The following NPRL3 variants were observed in gnomAD, a reference collection of about 807,000 sequenced individuals.
NPRL3 encodes the protein GATOR1 complex protein NPRL3.
Under a neutral mutation model 57.2 loss-of-function variants are expected in NPRL3, and 23 were observed. The ratio of observed to expected loss-of-function variants is 0.40; its 90% CI spans 0.29 to 0.57. The LOEUF (loss-of-function observed/expected upper bound fraction) is 0.57, where lower values mean the gene tolerates loss of function less well. NPRL3 is among the 20% of genes least tolerant of loss of function. The pLI is 0.42. For missense variants in NPRL3, 691 were observed against 767.1 expected (o/e 0.90, Z 1.17); for synonymous variants, 333 against 321.1 (o/e 1.04, Z -0.39).
chr16:105,554 G>A (rs1004549554), intron 7 of NPRL3, among the ~76,000 whole-genome samples: 2 of 152,076 alleles, frequency 1.3e-5, no homozygotes, highest in African/African-American at 4.8e-5. Flanking sequence ...CCCTGCTCTC[G>A]ACAGTTTGCA....
chr16:112,856 G>T, intron 5 of NPRL3, 81 bp from the exon 6 acceptor site: 3 of 1,320,090 alleles, frequency 2.3e-6, no homozygotes, highest in Admixed American at 2.8e-5. Flanking sequence ...GCTAACACAG[G>T]TACACAGCAA....
At position 88,854 on chromosome 16, in the gene NPRL3, A is replaced by C; in HGVS notation, c.1388T>G (p.Met463Arg). The C allele has an allele frequency of 6.2e-7, 1 of 1,613,620 alleles. No homozygotes were observed. Among genetic ancestry groups the C allele is most frequent in the Non-Finnish European group, 8.5e-7 (1 of 1,179,632 alleles). The change falls in exon 13 of 14, where the codon ATG becomes AGG. Residue 463 changes from methionine to arginine, a missense_variant. Physicochemically the swap from Met to Arg is moderately conservative, Grantham distance 91. Coordinates refer to ENST00000611875, the MANE Select transcript of NPRL3 (RefSeq NM_001077350.3). Reference sequence around the variant, plus strand: ...AAGTAGCTCTGCGCTGGAGTTGTCCATGCTGGGGCTGGTGAGGGTCATGTC... The same window carrying C: ...AAGTAGCTCTGCGCTGGAGTTGTCCCTGCTGGGGCTGGTGAGGGTCATGTC... ...SDDMTLTSPSMDNSSAELLPS... is the reference protein window; with the variant it reads ...SDDMTLTSPSRDNSSAELLPS...
At chr16:123,900 A>G (rs34722090) in intron 3 of NPRL3, among the ~76,000 whole-genome samples, 2 of 37,474 alleles carry the variant, frequency 5.3e-5, no homozygotes, top group Admixed American at 3.2e-4. Context: ...AGGGTCACAC[A>G]CTCCCCACGC....
At chr16:126,447 T>TAATAA (rs1420915643) in intron 3 of NPRL3, 2 of 140,982 alleles carry the variant, frequency 1.4e-5, no homozygotes, top group Non-Finnish European at 1.5e-5. Context: ...ATAATAATAA[T>TAATAA]TAATAATAAT....
chr16:122,485 T>C (rs1235054145), intron 3 of NPRL3, among the ~76,000 whole-genome samples: 2 of 152,236 alleles, frequency 1.3e-5, no homozygotes, highest in African/African-American at 4.8e-5. Context: ...GCAAAACTTA[T>C]AAACAGCAAA....
At chr16:101,300 G>A (rs1228423498) in intron 7 of NPRL3, among the ~76,000 whole-genome samples, 2 of 152,200 alleles carry the variant, frequency 1.3e-5, no homozygotes, top group African/African-American at 2.4e-5. Flanking sequence ...GTCCCCCAGA[G>A]TGTTCCAGTG....
Position 85,437 on chromosome 16 carries a change from C to T in NPRL3, c.*1268G>A. 1 of 1,611,750 alleles carries T rather than the reference C, an allele frequency of 6.2e-7. No homozygotes were observed. Among genetic ancestry groups the T allele is most frequent in the Non-Finnish European group, 8.5e-7 (1 of 1,179,240 alleles). ...TGCGTCTTGCTGCGAGCACTGGAGC[C>T]CCTGGAAGGTCTGGAGACCATGCGT... On this transcript the variant is annotated 3_prime_UTR_variant, in exon 14 of 14. Coordinates refer to ENST00000611875, the MANE Select transcript of NPRL3 (RefSeq NM_001077350.3).
intron 13 of NPRL3, 88 bp downstream of exon 13, chr16:88,610 T>G: frequency 3.4e-6 from 4 of 1,165,138 alleles, no homozygotes; most frequent in Non-Finnish European, 4.9e-6. Flanking sequence ...TCTCAGTGGA[T>G]TTGGTGGTTC....
rs374857369 is a variant in NPRL3, at chr16:100,840, G to A, written c.630-331C>T. 2.0e-3 allele frequency among the ~76,000 whole-genome samples: 306 copies of A among 149,722 alleles called. 1 individual carries two copies. Among genetic ancestry groups the A allele is most frequent in the African/African-American group, 6.8e-3 (277 of 40,582 alleles). ...ACAAAAATTAGCCAGGTGTGGTGGC[G>A]GGCGCCTGTAGTCCCAGCTACTCGG... On this transcript the variant is annotated intron_variant, in intron 7 of 13. Coordinates refer to ENST00000611875, the MANE Select transcript of NPRL3 (RefSeq NM_001077350.3).
At chr16:87,733 C>T (rs878983098) in intron 13 of NPRL3, among the ~76,000 whole-genome samples, 1 of 151,520 alleles carries the variant, frequency 6.6e-6, no homozygotes, top group Admixed American at 6.6e-5. Flanking sequence ...CCACACCCAG[C>T]TAATTTTTTG....
intron 9 of NPRL3, 90 bp from the exon 10 acceptor site, chr16:93,415 AC>A: frequency 2.5e-6 from 2 of 810,166 alleles, no homozygotes; most frequent in Non-Finnish European, 2.1e-6. Flanking sequence ...GCCATGGCCT[AC>A]CAGCCTGGAG....
In NPRL3 at chr16:132,227, C is replaced by T. The variant is rs936741230; in HGVS notation, c.119-1636G>A. 3.9e-5 allele frequency among the ~76,000 whole-genome samples: 6 copies of T among 152,218 alleles called. No individual in the cohort carries two copies. The South Asian group carries it at 1.0e-3, about 26-fold the overall frequency. On this transcript the variant is annotated intron_variant, in intron 2 of 13. Coordinates refer to ENST00000611875, the MANE Select transcript of NPRL3 (RefSeq NM_001077350.3). The stretch of plus-strand genomic sequence containing the variant: ...TTTGTCATGTTGCACAGGTTGGTCT[C>T]GAACTCCCGGGCTCAAGTGATCCAC...
chr16:88,679 C>A lies in NPRL3; in HGVS notation c.1544+19G>T, dbSNP rs758718371. 1.9e-6 allele frequency: 3 copies of A among 1,594,104 alleles called. No individual in the cohort carries two copies. The highest frequency in any genetic ancestry group is 2.6e-6 in the Non-Finnish European group (3 of 1,165,372). On this transcript the variant is annotated intron_variant, in intron 13 of 13. Transcript: ENST00000611875. The stretch of plus-strand genomic sequence containing the variant: ...ACCCTGCAACTGGCCCCAGTCCCAA[C>A]GGGTCAACCTACACCCACCTGGCAA...
intron 9 of NPRL3, among the ~76,000 whole-genome samples, chr16:94,467 A>C (rs1252124728): frequency 1.3e-5 from 2 of 152,208 alleles, no homozygotes; most frequent in African/African-American, 2.4e-5. Flanking sequence ...CAGGGCCTCC[A>C]GACTGAGTGA....
intron 7 of NPRL3, among the ~76,000 whole-genome samples, chr16:100,778 G>GGC (rs1899255140): frequency 4.4e-5 from 1 of 22,890 alleles, no homozygotes; most frequent in Non-Finnish European, 7.8e-5. Flanking sequence ...GACCAGCCTG[G>GGC]CTAATAACAC....
chr16:137,207 G>C (rs1045410243), intron 2 of NPRL3, among the ~76,000 whole-genome samples: 4 of 152,166 alleles, frequency 2.6e-5, no homozygotes, highest in African/African-American at 7.2e-5. Flanking sequence ...GCGACAGAGT[G>C]AGACTCCGTC....
At chr16:110,714 AT>A in intron 6 of NPRL3, 108 bp from the exon 7 acceptor site, 5 of 826,380 alleles carry the variant, frequency 6.1e-6, no homozygotes, top group East Asian at 2.9e-5. Flanking sequence ...TGTCTGGCTA[AT>A]TTTTTTGTAT....
chr16:118,618 C>T (rs1243404244), intron 4 of NPRL3, among the ~76,000 whole-genome samples: 11 of 152,202 alleles, frequency 7.2e-5, no homozygotes. Flanking sequence ...ACTGAAGCAC[C>T]TGTCTTCAGG....
rs373674963 is a variant in NPRL3 at position 110,198 on chromosome 16, G to C, written c.629+327C>G. On this transcript the variant is annotated intron_variant, in intron 7 of 13. Coordinates refer to ENST00000611875, the MANE Select transcript of NPRL3 (RefSeq NM_001077350.3). Reference sequence around the variant, plus strand: ...GCAGGAGAATCTCTTAAACCCAGGAGGCAGAGGTTGCTGTGAGCCGAGATC... The same window carrying C: ...GCAGGAGAATCTCTTAAACCCAGGACGCAGAGGTTGCTGTGAGCCGAGATC... Among the ~76,000 whole-genome samples the C allele has an allele frequency of 4.6e-5, 7 of 152,302 alleles. No homozygotes were observed. The East Asian group carries it at 1.3e-3, about 29-fold the overall frequency.
Sources: gnomAD v4.1 joint callset for allele counts (sites outside exome capture counted in the v4.1 genomes callset) on GRCh38, gnomAD v4.1.1 for gene constraint, MANE v1.5 for transcripts, NCBI Gene and HGNC (gene_info 2026-07-23, HGNC 2026-07-21) for gene names.